Variants in AHRR observed in about 807,000 individuals in gnomAD.
AHRR encodes ahR repressor.
AHRR carries 28 observed loss-of-function variants against 44.0 expected under a neutral mutation model. The ratio of observed to expected loss-of-function variants is 0.64; its 90% CI spans 0.47 to 0.87. The LOEUF is 0.87. Ranked by LOEUF, AHRR falls within the 40% of genes least tolerant of loss-of-function variation. The probability of loss-of-function intolerance (pLI) is 0.00; values close to 1 mark genes in which losing one functional copy is unlikely to be tolerated. For synonymous variants in AHRR, 434 were observed against 407.0 expected (o/e 1.07, Z -0.80); for missense variants, 990 against 953.9 (o/e 1.04, Z -0.50).
At chr5:360,138 G>T (rs1482863143) in intron 3 of AHRR, among the ~76,000 whole-genome samples, 2 of 152,114 alleles carry the variant, frequency 1.3e-5, no homozygotes, top group Non-Finnish European at 2.9e-5. Flanking sequence ...GGGGTGGGGG[G>T]TGGCCTGAAC....
At chr5:428,844 C>T (rs952709961) in intron 8 of AHRR, among the ~76,000 whole-genome samples, 2 of 152,196 alleles carry the variant, frequency 1.3e-5, no homozygotes, top group African/African-American at 2.4e-5. Context: ...CTAGGGCTCT[C>T]CCTCACATGC....
At chr5:400,666 G>T in intron 4 of AHRR, among the ~76,000 whole-genome samples, 1 of 152,130 alleles carries the variant, frequency 6.6e-6, no homozygotes. Context: ...AAAAGTATTT[G>T]GCATGACAAT....
chr5:434,563 T>G lies in AHRR; in HGVS notation c.1823T>G (p.Leu608Arg). Residue 608 changes from leucine to arginine, a missense_variant, in exon 11 of 11, where the codon CTG (leucine) becomes CGG (arginine). Physicochemically the swap from Leu to Arg is moderately radical, Grantham distance 102. Transcript: ENST00000684583. ...GRATAGRSRE[L>R]TPFHPAHCAC... ...GCCACTGCTGGGCGCAGCAGGGAGC[T>G]GACCCCTTTCCACCCTGCACACTGT... The G allele has an allele frequency of 6.3e-7, 1 of 1,594,246 alleles. No homozygotes were observed. The highest frequency in any genetic ancestry group is 2.3e-5 in the East Asian group (1 of 43,780).
chr5:388,624 G>A lies in AHRR; in HGVS notation c.351+11908G>A, dbSNP rs1038132449. 1.3e-5 allele frequency among the ~76,000 whole-genome samples: 2 copies of A among 152,190 alleles called. No homozygotes were observed. The highest frequency in any genetic ancestry group is 1.9e-4 in the East Asian group (1 of 5,190). ...GCAGCCCTGAGGGGCCGAGCCGACT[G>A]GAGGGGCACAGCCTGGCATGGGGCT... On this transcript the variant is annotated intron_variant, in intron 4 of 10. Transcript: ENST00000684583. This position sits in a 1 kb window ranked among gnomAD's most constrained non-coding sequence, Gnocchi z 5.2.
intron 4 of AHRR, among the ~76,000 whole-genome samples, chr5:400,857 T>C (rs920998629): frequency 7.2e-5 from 11 of 152,200 alleles, no homozygotes; most frequent in Non-Finnish European, 1.5e-5. Context: ...ATTTCTTTGG[T>C]CTTTGAACTA....
rs780325148 is a variant in AHRR, at chr5:427,815, G to A, written c.717G>A (p.Gln239=). 2.3e-5 allele frequency: 37 copies of A among 1,614,096 alleles called. No homozygotes were observed. The East Asian group carries it at 3.6e-4, about 16-fold the overall frequency. Residue 239 remains glutamine (Q), a synonymous_variant, in exon 8 of 11, where the codon CAG becomes CAA. Coordinates refer to ENST00000684583, the MANE Select transcript of AHRR (RefSeq NM_001377236.1). ...TGTCTTTAAAACACCAGACGATGCA[G>A]TTTCAAGGAAAACTAAAATTCCTGT... ...LDSTSGFLTM[Q]FQGKLKFLFG...
intron 4 of AHRR, among the ~76,000 whole-genome samples, chr5:377,844 G>C (rs1228024494): frequency 1.3e-5 from 2 of 152,220 alleles, no homozygotes; most frequent in African/African-American, 4.8e-5. Context: ...GCTACCTTCA[G>C]GGGGACTCTC....
intron 4 of AHRR, among the ~76,000 whole-genome samples, chr5:392,842 A>G (rs1407094480): frequency 1.3e-5 from 2 of 151,298 alleles, no homozygotes; most frequent in African/African-American, 4.9e-5. Context: ...CCCCAGGCTT[A>G]CTTTGGTTCT....
intron 5 of AHRR, among the ~76,000 whole-genome samples, chr5:416,506 T>G (rs1735820063): frequency 6.6e-6 from 1 of 152,194 alleles, no homozygotes; most frequent in Non-Finnish European, 1.5e-5. Context: ...TATCTGTGGT[T>G]GGGGCACTGT....
rs953829594 is a variant in AHRR at position 338,069 on chromosome 5, C to A, written c.-10-5824C>A. On this transcript the variant is annotated intron_variant, in intron 1 of 10. Transcript: ENST00000684583. This position sits in a 1 kb window ranked among gnomAD's most constrained non-coding sequence, Gnocchi z 4.1. Reference sequence around the variant, plus strand: ...TGGCACAGCTTCTGAGTACTGTCACCTCACTTTGCGAATACATGTCTCCCC... The same window carrying A: ...TGGCACAGCTTCTGAGTACTGTCACATCACTTTGCGAATACATGTCTCCCC... 6.6e-6 allele frequency among the ~76,000 whole-genome samples: 1 copy of A among 152,222 alleles called. No individual in the cohort carries two copies. Among genetic ancestry groups the A allele is most frequent in the African/African-American group, 2.4e-5 (1 of 41,458 alleles).
chr5:376,542 A>T (rs1733678044), intron 3 of AHRR, 68 bp from the exon 4 acceptor site: 14 of 1,386,986 alleles, frequency 1.0e-5, no homozygotes, highest in African/African-American at 1.5e-5. Context: ...CACAGGAAAG[A>T]TGTGAATGAA....
In AHRR at chr5:406,184, C is replaced by A. The variant is rs73730809; in HGVS notation, c.352-7160C>A. Among the ~76,000 whole-genome samples the A allele has an allele frequency of 2.6e-5, 4 of 152,208 alleles. No individual in the cohort carries two copies. The highest frequency in any genetic ancestry group is 9.7e-5 in the African/African-American group (4 of 41,450). ...GGAACCTGCCACAGCTGGGCTTGGGCGAGGGGCCCACGGTGTCGCTGGGGA... is the reference window on the plus strand; with the variant it reads ...GGAACCTGCCACAGCTGGGCTTGGGAGAGGGGCCCACGGTGTCGCTGGGGA... On this transcript the variant is annotated intron_variant, in intron 4 of 10. Transcript: ENST00000684583. This position sits in a 1 kb window ranked among gnomAD's most constrained non-coding sequence, Gnocchi z 4.7.
intron 4 of AHRR, among the ~76,000 whole-genome samples, chr5:407,913 C>T (rs1735331976): frequency 6.6e-6 from 1 of 152,208 alleles, no homozygotes; most frequent in African/African-American, 2.4e-5. Context: ...GAGAGAGTTT[C>T]ACTTTTCCCC....
intron 1 of AHRR, 119 bp from the exon 2 acceptor site, chr5:343,774 G>C (rs1165850002): frequency 7.1e-6 from 7 of 983,560 alleles, no homozygotes; most frequent in Admixed American, 5.1e-5. Flanking sequence ...AGGAGGTGGG[G>C]GCCTCGCGGG....
chr5:339,809 A>G (rs1742269167), intron 1 of AHRR, among the ~76,000 whole-genome samples: 1 of 151,890 alleles, frequency 6.6e-6, no homozygotes, highest in South Asian at 2.1e-4. Flanking sequence ...GATGATGTGC[A>G]TTTTCTTTTT....
intron 3 of AHRR, among the ~76,000 whole-genome samples, chr5:373,201 G>A (rs1479337613): frequency 6.6e-6 from 1 of 152,256 alleles, no homozygotes; most frequent in Admixed American, 6.5e-5. Context: ...AGGCCCAGCC[G>A]TGGGGACTGT....
chr5:364,004 T>C (rs868053219), intron 3 of AHRR, among the ~76,000 whole-genome samples: 8 of 152,270 alleles, frequency 5.3e-5, no homozygotes, highest in African/African-American at 1.9e-4. Flanking sequence ...TGCTATGGTC[T>C]TTGCTTCTTG....
chr5:401,622 C>T (rs1010797561), intron 4 of AHRR, among the ~76,000 whole-genome samples: 3 of 152,186 alleles, frequency 2.0e-5, no homozygotes, highest in East Asian at 1.9e-4. Context: ...GATGCGGCGG[C>T]GAAAGGCAGG....
Position 342,988 on chromosome 5 carries a change from G to A in AHRR, c.-10-905G>A, listed in dbSNP as rs1008292391. ...AAGTGGAATCCCAGGACTGTAGAGTGGAGTAGAATTTTACATAGAAAAGAG... is the reference window on the plus strand; with the variant it reads ...AAGTGGAATCCCAGGACTGTAGAGTAGAGTAGAATTTTACATAGAAAAGAG... On this transcript the variant is annotated intron_variant, in intron 1 of 10. Coordinates refer to ENST00000684583, the MANE Select transcript of AHRR (RefSeq NM_001377236.1). This position sits in a 1 kb window ranked among gnomAD's most constrained non-coding sequence, Gnocchi z 4.3. Among the ~76,000 whole-genome samples, 4 of 152,216 alleles carry A rather than the reference G, an allele frequency of 2.6e-5. No individual in the cohort carries two copies. The highest frequency in any genetic ancestry group is 9.7e-5 in the African/African-American group (4 of 41,448).
Sources: gnomAD v4.1 joint callset for allele counts (sites outside exome capture counted in the v4.1 genomes callset) on GRCh38, gnomAD v4.1.1 for gene constraint, Gnocchi (gnomAD v3.1) non-coding constraint, MANE v1.5 for transcripts, NCBI Gene and HGNC (gene_info 2026-07-23, HGNC 2026-07-21) for gene names.